Variants in DSG3 observed in about 807,000 individuals in gnomAD.
DSG3 encodes the protein desmoglein-3.
DSG3 carries 63 observed loss-of-function variants against 85.9 expected under a neutral mutation model. The observed-to-expected ratio is 0.73, with a 90% confidence interval of 0.60 to 0.90. The LOEUF (loss-of-function observed/expected upper bound fraction) is 0.90, where lower values mean the gene tolerates loss of function less well. DSG3 is among the 40% of genes least tolerant of loss of function. The pLI is 0.00. For missense variants in DSG3, 1,220 were observed against 1,219.9 expected, an observed-to-expected ratio of 1.00 and a Z score of 0.00; for synonymous variants, 447 against 441.9, an observed-to-expected ratio of 1.01 and a Z score of -0.14.
intron 7 of DSG3, 74 bp from the exon 8 acceptor site, chr18:31,461,153 C>T: frequency 7.5e-7 from 1 of 1,331,654 alleles, no homozygotes; most frequent in Admixed American, 2.8e-5. Flanking sequence ...ATAAGGATTA[C>T]CATTTAGAAG....
chr18:31,464,246 G>A lies in DSG3; in HGVS notation c.1135G>A (p.Glu379Lys). The change falls in exon 9 of 16, where the codon GAA (glutamate) becomes AAA (lysine). Residue 379 changes from glutamate to lysine, a missense_variant. Glu to Lys is a moderately conservative substitution (Grantham distance 56). Transcript: ENST00000257189. ...PVTIQVINVR[E>K]GIAFRPASKT... ...CACAATTCAGGTAATAAATGTAAGA[G>A]AAGGAATTGCATTCCGTCCTGCTTC... 1 of 1,614,126 alleles carries A rather than the reference G, an allele frequency of 6.2e-7. No individual in the cohort carries two copies. Among genetic ancestry groups the A allele is most frequent in the Non-Finnish European group, 8.5e-7 (1 of 1,180,022 alleles).
At chr18:31,459,651 T>C (rs1051158070) in intron 5 of DSG3, among the ~76,000 whole-genome samples, 194 bp from the exon 6 acceptor site, 1 of 152,190 alleles carries the variant, frequency 6.6e-6, no homozygotes, top group African/African-American at 2.4e-5. Context: ...AGAGTTTGTA[T>C]GGAAGGAAGC....
At position 31,458,529 on chromosome 18, in the gene DSG3, G is replaced by C. The variant is rs1208586717; in HGVS notation, c.301G>C (p.Val101Leu). The C allele has an allele frequency of 6.2e-6, 10 of 1,613,856 alleles. No homozygotes were observed. The highest frequency in any genetic ancestry group is 8.5e-6 in the Non-Finnish European group (10 of 1,179,934). Residue 101 changes from valine to leucine, a missense_variant, in exon 4 of 16, where the codon GTT (valine) becomes CTT (leucine). Transcript: ENST00000257189. Reference sequence around the variant, plus strand: ...CGATCAGCCGCCTTTTGGAATCTTTGTTGTTGACAAAAACACTGGAGATAT... The same window carrying C: ...CGATCAGCCGCCTTTTGGAATCTTTCTTGTTGACAAAAACACTGGAGATAT... ...GIDQPPFGIFVVDKNTGDINI... is the reference protein window; with the variant it reads ...GIDQPPFGIFLVDKNTGDINI...
At chr18:31,473,983 C>A in intron 14 of DSG3, 138 bp from the exon 15 acceptor site, 2 of 759,674 alleles carry the variant, frequency 2.6e-6, no homozygotes, top group Non-Finnish European at 4.1e-6. Flanking sequence ...GGGATGTTAT[C>A]ACCTCTAGTC....
rs770762111 is a variant in DSG3 at position 31,472,335 on chromosome 18, G to A, written c.1949G>A (p.Gly650Glu). ...GACTGTGGGGCAGGTTCTACTGGGG[G>A]AGTGACAGGTGGTTTTATCCCAGTT... ...TCDCGAGSTG[G>E]VTGGFIPVPD... Residue 650 changes from glycine to glutamate, a missense_variant, in exon 13 of 16, where the codon GGA (glycine) becomes GAA (glutamate). Physicochemically the swap from Gly to Glu is moderately conservative, Grantham distance 98. Coordinates refer to ENST00000257189, the MANE Select transcript of DSG3 (RefSeq NM_001944.3). 4 of 1,614,150 alleles carry A rather than the reference G, an allele frequency of 2.5e-6. No homozygotes were observed. The highest frequency in any genetic ancestry group is 1.1e-5 in the South Asian group (1 of 91,086).
intron 1 of DSG3, among the ~76,000 whole-genome samples, chr18:31,453,732 G>C (rs1284343505): frequency 1.3e-5 from 2 of 152,024 alleles, no homozygotes; most frequent in Admixed American, 1.3e-4. Context: ...GAAAAGTACA[G>C]TAATTCTCAA....
At chr18:31,469,380 A>G in intron 12 of DSG3, 31 bp downstream of exon 12, 6 of 1,609,022 alleles carry the variant, frequency 3.7e-6, no homozygotes, top group Non-Finnish European at 3.4e-6. Flanking sequence ...TCTCTGTTGG[A>G]CCAGGTGTCC....
At chr18:31,461,113 A>G (rs1228353828) in intron 7 of DSG3, 114 bp from the exon 8 acceptor site, 1 of 1,239,138 alleles carries the variant, frequency 8.1e-7, no homozygotes, top group Non-Finnish European at 1.1e-6. Context: ...GAATTCAGTA[A>G]TAAGAAGAAG....
chr18:31,454,231 G>C (rs1482887722), intron 1 of DSG3, among the ~76,000 whole-genome samples: 3 of 152,152 alleles, frequency 2.0e-5, no homozygotes, highest in Non-Finnish European at 4.4e-5. Flanking sequence ...TGACTCTCCA[G>C]TTTTCCTGTA....
chr18:31,476,965 C>CAAAAA lies in DSG3; in HGVS notation c.*720_*724dup, dbSNP rs35721182. ...TGGGCGACAGAGCGAGACTCCGTCTCAAAAAAAAAAAAAAAAAAAGAATCA... is the reference window on the plus strand; with the variant it reads ...TGGGCGACAGAGCGAGACTCCGTCTCAAAAAAAAAAAAAAAAAAAAAAAAGAATCA... On this transcript the variant is annotated 3_prime_UTR_variant, in exon 16 of 16. Coordinates refer to ENST00000257189, the MANE Select transcript of DSG3 (RefSeq NM_001944.3). 5 of 90,836 alleles carry CAAAAA rather than the reference C, an allele frequency of 5.5e-5. No individual in the cohort carries two copies. The highest frequency in any genetic ancestry group is 1.1e-4 in the Non-Finnish European group (5 of 46,242). The allele number at this position is 90,836 out of a possible 1,614,324, so 5.6% of individuals were successfully genotyped here.
At chr18:31,465,173 A>T (rs1598782431) in intron 9 of DSG3, 145 bp from the exon 10 acceptor site, 2 of 577,166 alleles carry the variant, frequency 3.5e-6, no homozygotes, top group East Asian at 7.1e-5. Flanking sequence ...TGCTATGTTA[A>T]TTTTCTGTTG....
chr18:31,472,935 T>C, intron 14 of DSG3, 147 bp downstream of exon 14: 1 of 689,870 alleles, frequency 1.4e-6, no homozygotes, highest in Non-Finnish European at 2.4e-6. Flanking sequence ...AAAGCTGTTT[T>C]AATATTTTTA....
Position 31,474,371 on chromosome 18 carries a change from A to G in DSG3, c.2352A>G (p.Ile784Met). Residue 784 changes from isoleucine to methionine, a missense_variant, in exon 15 of 16, where the codon ATA (isoleucine) becomes ATG (methionine). Ile to Met is a conservative substitution (Grantham distance 10). Coordinates refer to ENST00000257189, the MANE Select transcript of DSG3 (RefSeq NM_001944.3). ...ATAAGGACTACGCTGATGGGGCGAT[A>G]AGCATGAATTTTCTGGACTCCTACT... ...GTNKDYADGA[I>M]SMNFLDSYFS... 6.2e-7 allele frequency: 1 copy of G among 1,609,382 alleles called. No individual in the cohort carries two copies. The highest frequency in any genetic ancestry group is 8.5e-7 in the Non-Finnish European group (1 of 1,176,912).
chr18:31,476,289 CAA>C lies in DSG3; in HGVS notation c.*31_*32del. 6.4e-7 allele frequency: 1 copy of C among 1,571,616 alleles called. No homozygotes were observed. The highest frequency in any genetic ancestry group is 8.6e-7 in the Non-Finnish European group (1 of 1,159,048). On this transcript the variant is annotated 3_prime_UTR_variant, in exon 16 of 16. Coordinates refer to ENST00000257189, the MANE Select transcript of DSG3 (RefSeq NM_001944.3). The stretch of plus-strand genomic sequence containing the variant: ...GAATGAGCTGGAATACCACACTGAC[CAA>C]ATCTGGATCTTTGGACTAAAGTATT...
chr18:31,459,416 A>G (rs2072769631), intron 5 of DSG3, among the ~76,000 whole-genome samples: 1 of 152,210 alleles, frequency 6.6e-6, no homozygotes, highest in Non-Finnish European at 1.5e-5. Context: ...ATCTTATTCT[A>G]TATATACAAT....
chr18:31,469,137 A>G lies in DSG3; in HGVS notation c.1685A>G (p.Tyr562Cys). Reference protein sequence around the residue: ...RAQEQIPPGVYHISLVLTDSQ... With the variant: ...RAQEQIPPGVCHISLVLTDSQ... ...CAGGAACAGATACCTCCTGGAGTAT[A>G]CCACATCTCCCTGGTACTTACAGAC... Residue 562 changes from tyrosine (Y) to cysteine (C), a missense_variant, in exon 12 of 16, where the codon TAC becomes TGC. Physicochemically the swap from Tyr to Cys is radical, Grantham distance 194 (BLOSUM62 -2). Transcript: ENST00000257189. 1 of 1,614,200 alleles carries G rather than the reference A, an allele frequency of 6.2e-7. No homozygotes were observed. Among genetic ancestry groups the G allele is most frequent in the Non-Finnish European group, 8.5e-7 (1 of 1,180,046 alleles).
At chr18:31,448,338 T>TG (rs1447173782) in intron 1 of DSG3, among the ~76,000 whole-genome samples, 1 of 152,232 alleles carries the variant, frequency 6.6e-6, no homozygotes. Context: ...TCTACACGCC[T>TG]GGGCTTGATA....
At position 31,476,294 on chromosome 18, in the gene DSG3, C is replaced by T. The variant is rs1381582815; in HGVS notation, c.*34C>T. 5 of 1,564,656 alleles carry T rather than the reference C, an allele frequency of 3.2e-6. No homozygotes were observed. The East Asian group carries it at 6.7e-5, about 21-fold the overall frequency. On this transcript the variant is annotated 3_prime_UTR_variant, in exon 16 of 16. Coordinates refer to ENST00000257189, the MANE Select transcript of DSG3 (RefSeq NM_001944.3). ...AGCTGGAATACCACACTGACCAAAT[C>T]TGGATCTTTGGACTAAAGTATTCAA...
In DSG3 at chr18:31,474,104, T is replaced by A; in HGVS notation, c.2102-17T>A. On this transcript the variant is annotated splice_polypyrimidine_tract_variant and intron_variant, in intron 14 of 15. Transcript: ENST00000257189. Reference sequence around the variant, plus strand: ...CAACAGCATAAGATATTACAGAATGTTCTCCCTTGTTTTTAGAAGTTTGTA... The same window carrying A: ...CAACAGCATAAGATATTACAGAATGATCTCCCTTGTTTTTAGAAGTTTGTA... 1 of 1,602,386 alleles carries A rather than the reference T, an allele frequency of 6.2e-7. No homozygotes were observed. The highest frequency in any genetic ancestry group is 1.1e-5 in the South Asian group (1 of 90,416).
Sources: gnomAD v4.1 joint callset for allele counts (sites outside exome capture counted in the v4.1 genomes callset) on GRCh38, gnomAD v4.1.1 for gene constraint, MANE v1.5 for transcripts, NCBI Gene and HGNC (gene_info 2026-07-23, HGNC 2026-07-21) for gene names.